The following TNS3 variants were observed in gnomAD, a reference collection of about 807,000 sequenced individuals.
TNS3 encodes the protein tensin 3.
TNS3 carries 45 observed loss-of-function variants against 140.9 expected under a neutral mutation model. That is an observed-to-expected ratio of 0.32 (90% CI 0.25 to 0.41). The LOEUF (loss-of-function observed/expected upper bound fraction) is 0.41. Among genes scored for constraint, TNS3 ranks in the 10% least tolerant of loss-of-function variants. The pLI, the probability that TNS3 is intolerant of heterozygous loss-of-function variation, is 1.00. For synonymous variants in TNS3, 815 were observed against 788.4 expected (o/e 1.03, Z -0.56); for missense variants, 1,716 against 1,906.7 (o/e 0.90, Z 1.86).
At chr7:47,537,690 T>C (rs1799652857) in intron 1 of TNS3, among the ~76,000 whole-genome samples, 1 of 151,758 alleles carries the variant, frequency 6.6e-6, no homozygotes, top group African/African-American at 2.4e-5. Context: ...CAGTCAACTC[T>C]GCATCTGTAA....
rs59101766 is a variant in TNS3 at position 47,522,119 on chromosome 7, G to C, written c.-153+6917C>G. Reference sequence around the variant, plus strand: ...GATCTGGGTCCCAGGTATCAGCAGGGATGGGATGCCCGCCCCCCAAAAGTG... The same window carrying C: ...GATCTGGGTCCCAGGTATCAGCAGGCATGGGATGCCCGCCCCCCAAAAGTG... On this transcript the variant is annotated intron_variant, in intron 2 of 30. Coordinates refer to ENST00000311160, the MANE Select transcript of TNS3 (RefSeq NM_022748.12). 1.3e-5 allele frequency among the ~76,000 whole-genome samples: 2 copies of C among 152,176 alleles called. 1 individual carries two copies. Among genetic ancestry groups the C allele is most frequent in the South Asian group, 4.1e-4 (2 of 4,836 alleles).
In TNS3 at chr7:47,299,528, T is replaced by A. The variant is rs148717542; in HGVS notation, c.3545-2315A>T. 5.5e-3 allele frequency among the ~76,000 whole-genome samples: 841 copies of A among 152,322 alleles called. 4 individuals carry two copies. The highest frequency in any genetic ancestry group is 0.019 in the African/African-American group (777 of 41,580). ...ACCTCAGAGCTTTTCTTTTTGTAAG[T>A]CATGGTTCTACTTCTCTGTGGTAAA... On this transcript the variant is annotated intron_variant, in intron 23 of 30. Coordinates refer to ENST00000311160, the MANE Select transcript of TNS3 (RefSeq NM_022748.12).
intron 17 of TNS3, among the ~76,000 whole-genome samples, chr7:47,365,455 A>AG (rs1790637831): frequency 6.7e-6 from 1 of 149,380 alleles, no homozygotes; most frequent in Non-Finnish European, 1.5e-5. Flanking sequence ...AAAAAAAAAA[A>AG]AAAAGTGTTC....
At chr7:47,367,730 T>G (rs761449219) in intron 17 of TNS3, among the ~76,000 whole-genome samples, 7 of 152,142 alleles carry the variant, frequency 4.6e-5, no homozygotes, top group Non-Finnish European at 8.8e-5. Context: ...CTCCCATCAC[T>G]GAGCTGCTCT....
rs779595259 is a variant in TNS3, at chr7:47,277,990, G to T, written c.*86C>A. On this transcript the variant is annotated 3_prime_UTR_variant, in exon 31 of 31. Transcript: ENST00000311160. ...CTGGAATGTCAGGTTTACTAGTTTGGTAAAAAGTGGGGGCCCCACCCTCAC... is the reference window on the plus strand; with the variant it reads ...CTGGAATGTCAGGTTTACTAGTTTGTTAAAAAGTGGGGGCCCCACCCTCAC... 2 of 1,517,132 alleles carry T rather than the reference G, an allele frequency of 1.3e-6. No homozygotes were observed. The highest frequency in any genetic ancestry group is 2.7e-5 in the African/African-American group (2 of 73,038). 94.0% of individuals were successfully genotyped at this position (1,517,132 alleles called of 1,614,324 possible).
intron 4 of TNS3, among the ~76,000 whole-genome samples, chr7:47,469,737 GC>G (rs1796869351): frequency 6.6e-6 from 1 of 152,142 alleles, no homozygotes. Context: ...ACTCTGAAAG[GC>G]CAGGGCGGGC....
chr7:47,349,243 CA>C (rs1224435874), intron 17 of TNS3, among the ~76,000 whole-genome samples: 14 of 152,082 alleles, frequency 9.2e-5, no homozygotes, highest in South Asian at 2.1e-4. Context: ...AAAAAAGTCT[CA>C]AAAAAAATCA....
At chr7:47,293,107 T>C (rs1785804288) in intron 25 of TNS3, among the ~76,000 whole-genome samples, 1 of 152,244 alleles carries the variant, frequency 6.6e-6, no homozygotes, top group Non-Finnish European at 1.5e-5. Flanking sequence ...GGTAAGTAAA[T>C]GGAACTGTTT....
chr7:47,393,606 G>A (rs1792658234), intron 16 of TNS3, among the ~76,000 whole-genome samples: 1 of 152,060 alleles, frequency 6.6e-6, no homozygotes, highest in South Asian at 2.1e-4. Flanking sequence ...AGATATCATC[G>A]AGGCTGCAAG....
intron 1 of TNS3, among the ~76,000 whole-genome samples, chr7:47,543,373 C>G (rs186689028): frequency 1.1e-4 from 17 of 152,322 alleles, no homozygotes; most frequent in African/African-American, 2.9e-4. Context: ...ACTTTCGGTA[C>G]GTCAAGTCCC....
chr7:47,510,638 C>T (rs1475965022), intron 2 of TNS3, among the ~76,000 whole-genome samples: 1 of 152,122 alleles, frequency 6.6e-6, no homozygotes, highest in Non-Finnish European at 1.5e-5. Context: ...CTTTGGGAGG[C>T]TGAGGCGGGC....
At position 47,346,179 on chromosome 7, in the gene TNS3, G is replaced by A; in HGVS notation, c.2451+8C>T. On this transcript the variant is annotated splice_region_variant and intron_variant, in intron 18 of 30. Transcript: ENST00000311160. ...GCCCAGAAACTGGGACCTGGCTGTG[G>A]CACATACCTCTTTGACGTCCGCTGG... 3.7e-6 allele frequency: 6 copies of A among 1,613,504 alleles called. No individual in the cohort carries two copies. Among genetic ancestry groups the A allele is most frequent in the Non-Finnish European group, 5.1e-6 (6 of 1,179,558 alleles).
intron 1 of TNS3, among the ~76,000 whole-genome samples, chr7:47,577,485 T>G (rs1225290094): frequency 6.6e-6 from 1 of 152,184 alleles, no homozygotes; most frequent in Non-Finnish European, 1.5e-5. Context: ...AGCCTTGGCC[T>G]GGCCACTCCA....
chr7:47,484,743 A>G (rs983949739), intron 3 of TNS3, among the ~76,000 whole-genome samples: 1 of 152,134 alleles, frequency 6.6e-6, no homozygotes, highest in Non-Finnish European at 1.5e-5. Flanking sequence ...CTGTGGATGG[A>G]GCCAGGTAAG....
At chr7:47,417,605 A>G (rs1257417027) in intron 10 of TNS3, among the ~76,000 whole-genome samples, 1 of 152,260 alleles carries the variant, frequency 6.6e-6, no homozygotes, top group African/African-American at 2.4e-5. Flanking sequence ...ATCAAAAAGT[A>G]ACCTCTTGGA....
rs1236121587 is a variant in TNS3 at position 47,291,941 on chromosome 7, C to T, written c.3928+14G>A. On this transcript the variant is annotated intron_variant, in intron 27 of 30. Transcript: ENST00000311160. ...CCAGTCACCAGATGTAGAAATGGAGCTGCATTTACTGACCTGCCCCCTGCT... is the reference window on the plus strand; with the variant it reads ...CCAGTCACCAGATGTAGAAATGGAGTTGCATTTACTGACCTGCCCCCTGCT... 1 of 1,613,782 alleles carries T rather than the reference C, an allele frequency of 6.2e-7. No homozygotes were observed.
Position 47,400,927 on chromosome 7 carries a change from G to GACAAA in TNS3, c.724-18_724-14dup, listed in dbSNP as rs534398900. ...GGTAGCATTTCACCTGGGTTAGAGA[G>GACAAA]ACAAAACAAAACAAAGTAGCTGCAG... On this transcript the variant is annotated splice_polypyrimidine_tract_variant and intron_variant, in intron 13 of 30. Transcript: ENST00000311160. 7.6e-5 allele frequency: 123 copies of GACAAA among 1,613,960 alleles called. No individual in the cohort carries two copies. The African/African-American group carries it at 1.5e-3, about 20-fold the overall frequency.
chr7:47,552,569 G>A (rs571269386), intron 1 of TNS3, among the ~76,000 whole-genome samples: 1 of 152,224 alleles, frequency 6.6e-6, no homozygotes, highest in South Asian at 2.1e-4. Context: ...ATGGTTATTT[G>A]TGATCTGTGC....
At chr7:47,437,150 A>C in intron 7 of TNS3, 113 bp downstream of exon 7, 1 of 663,778 alleles carries the variant, frequency 1.5e-6, no homozygotes, top group Non-Finnish European at 2.6e-6. Context: ...AACAATTCCT[A>C]ATACTCCTTA....
Sources: allele counts gnomAD v4.1 joint callset (sites outside exome capture counted in the v4.1 genomes callset), GRCh38; gene constraint gnomAD v4.1.1; transcripts MANE v1.5; gene names NCBI Gene and HGNC (gene_info 2026-07-23, HGNC 2026-07-21).